Variants in NUP98 observed in about 807,000 individuals in gnomAD.
NUP98 encodes nuclear pore complex protein Nup98-Nup96.
A neutral mutation model predicts 191.9 loss-of-function variants in NUP98; 26 were observed. The observed-to-expected ratio is 0.14, with a 90% CI of 0.10 to 0.19. The LOEUF is 0.19. Ranked by LOEUF, NUP98 falls within the 10% of genes least tolerant of loss-of-function variation. The pLI, the probability that NUP98 is intolerant of heterozygous loss-of-function variation, is 1.00. For synonymous variants in NUP98, 808 were observed against 778.4 expected (o/e 1.04, Z -0.63); for missense variants, 1,941 against 2,178.8 (o/e 0.89, Z 2.17).
chr11:3,748,358 G>A (rs1167589991), intron 11 of NUP98, among the ~76,000 whole-genome samples: 1 of 152,200 alleles, frequency 6.6e-6, no homozygotes, highest in African/African-American at 2.4e-5. Flanking sequence ...GAGGTCAGGA[G>A]TTCCAGACTA....
intron 1 of NUP98, among the ~76,000 whole-genome samples, chr11:3,784,619 G>A (rs2082082589): frequency 6.6e-6 from 1 of 150,424 alleles, no homozygotes; most frequent in Non-Finnish European, 1.5e-5. Flanking sequence ...AAAACATGGT[G>A]CACACCTGTA....
At chr11:3,720,210 T>C (rs2079339621) in intron 17 of NUP98, among the ~76,000 whole-genome samples, 2 of 152,204 alleles carry the variant, frequency 1.3e-5, no homozygotes, top group Admixed American at 6.5e-5. Context: ...TAATACAATA[T>C]AGCACAGTGG....
chr11:3,741,570 G>A (rs770964570), intron 12 of NUP98, among the ~76,000 whole-genome samples: 2 of 152,022 alleles, frequency 1.3e-5, no homozygotes, highest in Non-Finnish European at 2.9e-5. Context: ...GAAGTGAGCC[G>A]AGATCGCGCC....
chr11:3,702,991 A>T, intron 22 of NUP98, 99 bp from the exon 23 acceptor site: 2 of 1,006,026 alleles, frequency 2.0e-6, no homozygotes, highest in Non-Finnish European at 2.9e-6. Flanking sequence ...AAATCATTCA[A>T]TGTTTAATCA....
chr11:3,686,290 C>T, intron 28 of NUP98, 96 bp from the exon 29 acceptor site: 1 of 1,070,460 alleles, frequency 9.3e-7, no homozygotes, highest in Non-Finnish European at 1.4e-6. Context: ...AATAAAAGAA[C>T]CTGAGAGTGA....
intron 19 of NUP98, 134 bp from the exon 20 acceptor site, chr11:3,712,862 A>C: frequency 1.2e-6 from 1 of 812,668 alleles, no homozygotes; most frequent in Non-Finnish European, 1.9e-6. Context: ...AAAGCAAAAT[A>C]TATCACCTAT....
chr11:3,775,026 A>C (rs2081662673), intron 5 of NUP98, among the ~76,000 whole-genome samples: 1 of 152,204 alleles, frequency 6.6e-6, no homozygotes, highest in African/African-American at 2.4e-5. Flanking sequence ...GAATCCCCCA[A>C]ACATTTACAT....
intron 7 of NUP98, among the ~76,000 whole-genome samples, chr11:3,769,878 C>G (rs531341190): frequency 6.6e-6 from 1 of 151,862 alleles, no homozygotes; most frequent in African/African-American, 2.4e-5. Context: ...CCCATCTGTA[C>G]TAAAAATACA....
In NUP98 at chr11:3,679,387, A is replaced by C; in HGVS notation, c.5073+167T>G. 5 of 817,584 alleles carry C rather than the reference A, an allele frequency of 6.1e-6. No homozygotes were observed. The South Asian group carries it at 6.8e-5, about 11-fold the overall frequency. 50.6% of individuals were successfully genotyped at this position (817,584 alleles called of 1,614,324 possible). On this transcript the variant is annotated intron_variant, in intron 31 of 32. Transcript: ENST00000324932. ...AAATAGCATTTTTAAGTTTCGATAT[A>C]GCTGTCAGAAACGGTTATATCAAAT... is the stretch of plus-strand genomic sequence containing the variant.
At chr11:3,743,474 G>A (rs1383710617) in intron 12 of NUP98, among the ~76,000 whole-genome samples, 25 of 147,452 alleles carry the variant, frequency 1.7e-4, no homozygotes, top group Non-Finnish European at 3.6e-4. Context: ...GTGAAACCCC[G>A]TCTCTACTGA....
chr11:3,704,501 A>G (rs751767745), intron 22 of NUP98, among the ~76,000 whole-genome samples: 1 of 152,260 alleles, frequency 6.6e-6, no homozygotes, highest in Non-Finnish European at 1.5e-5. Context: ...CTAGAAGACA[A>G]TAAGACAGTG....
intron 21 of NUP98, 79 bp downstream of exon 21, chr11:3,706,366 G>A: frequency 7.5e-7 from 1 of 1,341,342 alleles, no homozygotes; most frequent in Non-Finnish European, 1.1e-6. Flanking sequence ...AATAACCAAG[G>A]AAGAGACCTG....
At chr11:3,693,408 T>C (rs956266531) in intron 26 of NUP98, 33 bp from the exon 27 acceptor site, 6 of 1,610,874 alleles carry the variant, frequency 3.7e-6, no homozygotes, top group Non-Finnish European at 5.1e-6. Context: ...CATGGCTATA[T>C]TCTACCTTGT....
chr11:3,698,367 C>G (rs967857869), intron 25 of NUP98, among the ~76,000 whole-genome samples: 29 of 151,986 alleles, frequency 1.9e-4, no homozygotes, highest in African/African-American at 7.0e-4. Flanking sequence ...AGTTTTATTA[C>G]AAATGTAATA....
chr11:3,720,663 T>C (rs375308174), intron 17 of NUP98, 49 bp downstream of exon 17: 14 of 988,194 alleles, frequency 1.4e-5, no homozygotes, highest in Non-Finnish European at 2.2e-5. Context: ...ATTACAAAAA[T>C]AAGGTGCAAC....
intron 24 of NUP98, among the ~76,000 whole-genome samples, chr11:3,699,743 C>T (rs1239212453): frequency 6.6e-6 from 1 of 152,138 alleles, no homozygotes; most frequent in African/African-American, 2.4e-5. Context: ...ATAACTTACA[C>T]ATTTGAAAAG....
At chr11:3,727,915 C>T (rs1030848079) in intron 14 of NUP98, among the ~76,000 whole-genome samples, 4 of 151,836 alleles carry the variant, frequency 2.6e-5, no homozygotes, top group Non-Finnish European at 4.4e-5. Flanking sequence ...CCCAGCTACT[C>T]GGGAGGCCAA....
chr11:3,781,850 T>C (rs933032171), intron 2 of NUP98, among the ~76,000 whole-genome samples, 192 bp downstream of exon 2: 3 of 152,170 alleles, frequency 2.0e-5, no homozygotes, highest in African/African-American at 4.8e-5. Context: ...AAGAAGGCCA[T>C]GAAAACTTAG....
intron 11 of NUP98, among the ~76,000 whole-genome samples, chr11:3,751,652 G>C (rs572138224): frequency 4.7e-4 from 72 of 152,174 alleles, no homozygotes; most frequent in Middle Eastern, 3.4e-3. Context: ...TCAGCCCAGG[G>C]GTTCGAGACC....
Sources: allele counts gnomAD v4.1 joint callset (sites outside exome capture counted in the v4.1 genomes callset), GRCh38; gene constraint gnomAD v4.1.1; transcripts MANE v1.5; gene names NCBI Gene and HGNC (gene_info 2026-07-23, HGNC 2026-07-21).